SLC35F3: variants seen among roughly 807,000 people sequenced by gnomAD.
The protein encoded by SLC35F3 is putative thiamine transporter SLC35F3.
In SLC35F3, 25 loss-of-function variants were observed where a neutral mutation model predicts 49.9. The observed-to-expected ratio is 0.50, with a 90% confidence interval of 0.37 to 0.70. The LOEUF (loss-of-function observed/expected upper bound fraction) is 0.70. Among genes scored for constraint, SLC35F3 ranks in the 30% least tolerant of loss-of-function variants. SLC35F3 has a pLI of 0.00. For synonymous variants in SLC35F3, 275 were observed against 265.4 expected (o/e 1.04, Z -0.35); for missense variants, 525 against 639.8 (o/e 0.82, Z 1.94).
intron 2 of SLC35F3, among the ~76,000 whole-genome samples, chr1:233,964,157 G>A (rs773559778): frequency 1.3e-5 from 2 of 152,218 alleles, no homozygotes; most frequent in African/African-American, 2.4e-5. Flanking sequence ...TGAGCTCAGT[G>A]ACTTGCTTTG....
rs181827270 is a variant in SLC35F3, at chr1:233,941,998, G to C, written c.283+36240G>C. On this transcript the variant is annotated intron_variant, in intron 2 of 7. Transcript: ENST00000366618. ...TTTTTTTTAGATGGAGTCTCACTCT[G>C]TCTCCAGGCTGGAGTTCAGTGGCAC... is the stretch of plus-strand genomic sequence containing the variant. Among the ~76,000 whole-genome samples, 40 of 129,974 alleles carry C rather than the reference G, an allele frequency of 3.1e-4. No homozygotes were observed. In the East Asian group the frequency reaches 8.8e-3, roughly 29 times the overall value. The allele number at this position is 129,974 out of a possible 152,430, so 85.3% of individuals were successfully genotyped here. A position where few individuals can be genotyped will look rare whatever the true frequency, so the allele number is the denominator to read the frequency against.
At chr1:233,995,512 T>C (rs1429745816) in intron 2 of SLC35F3, among the ~76,000 whole-genome samples, 4 of 152,224 alleles carry the variant, frequency 2.6e-5, no homozygotes, top group Non-Finnish European at 4.4e-5. Flanking sequence ...CCTCCACTTG[T>C]GTTAAGACTG....
At chr1:234,048,541 A>G (rs968549071) in intron 2 of SLC35F3, among the ~76,000 whole-genome samples, 2 of 151,136 alleles carry the variant, frequency 1.3e-5, no homozygotes, top group African/African-American at 4.9e-5. Flanking sequence ...TATCAGGGCT[A>G]CCACTTCCAC....
intron 3 of SLC35F3, among the ~76,000 whole-genome samples, chr1:234,304,997 T>C (rs1007177955): frequency 1.3e-5 from 2 of 152,074 alleles, no homozygotes; most frequent in African/African-American, 4.8e-5. Flanking sequence ...TGGAGGAAAT[T>C]ACAAAAGAAA....
In SLC35F3 at chr1:234,210,043, T is replaced by C. The variant is rs140736347; in HGVS notation, c.284-21374T>C. Among the ~76,000 whole-genome samples, 271 of 152,244 alleles carry C rather than the reference T, an allele frequency of 1.8e-3. 1 individual carries two copies. Among genetic ancestry groups the C allele is most frequent in the Non-Finnish European group, 2.9e-3 (199 of 68,026 alleles). ...AGGGACCCACTGGGAGGTAATTGAA[T>C]CATGGGGGCAGGTCTTTCCCATGCT... On this transcript the variant is annotated intron_variant, in intron 2 of 7. Transcript: ENST00000366618.
intron 2 of SLC35F3, among the ~76,000 whole-genome samples, chr1:234,218,653 C>T (rs577769025): frequency 6.6e-6 from 1 of 152,284 alleles, no homozygotes; most frequent in Admixed American, 6.5e-5. Flanking sequence ...GGATCCCAGG[C>T]TTCAAATCTA....
At chr1:234,022,413 T>C (rs1965264) in intron 2 of SLC35F3, among the ~76,000 whole-genome samples, 1,887 of 152,286 alleles carry the variant, frequency 0.012, 45 homozygotes, top group Admixed American at 0.058. Context: ...ACGCTGCAGC[T>C]TGAGTCTGAA....
intron 2 of SLC35F3, among the ~76,000 whole-genome samples, chr1:234,140,448 T>C (rs889441536): frequency 6.6e-6 from 1 of 152,178 alleles, no homozygotes. Context: ...TAAACTTTAT[T>C]ATAGGTAAGT....
At chr1:234,199,241 C>T (rs558830418) in intron 2 of SLC35F3, among the ~76,000 whole-genome samples, 218 of 151,456 alleles carry the variant, frequency 1.4e-3, no homozygotes, top group African/African-American at 4.9e-3. Context: ...AAAAAGAAAA[C>T]GAAAAGAAAA....
intron 2 of SLC35F3, among the ~76,000 whole-genome samples, chr1:234,029,450 G>T (rs1366826571): frequency 6.6e-6 from 1 of 152,182 alleles, no homozygotes; most frequent in African/African-American, 2.4e-5. Flanking sequence ...GATGTGGCAG[G>T]TGGAGACATG....
In SLC35F3 at chr1:234,230,720, C is replaced by CT. The variant is rs574969869; in HGVS notation, c.284-694dup. Among the ~76,000 whole-genome samples, 321 of 152,308 alleles carry CT rather than the reference C, an allele frequency of 2.1e-3. 1 individual carries two copies. Among genetic ancestry groups the CT allele is most frequent in the Non-Finnish European group, 3.7e-3 (255 of 68,028 alleles). Reference sequence around the variant, plus strand: ...CGCTCTAGAATGGAGTGTCTGTGGCCTTTCACACACCAGCTGCCAGAGGTT... The same window carrying CT: ...CGCTCTAGAATGGAGTGTCTGTGGCCTTTTCACACACCAGCTGCCAGAGGTT... On this transcript the variant is annotated intron_variant, in intron 2 of 7. Coordinates refer to ENST00000366618, the MANE Select transcript of SLC35F3 (RefSeq NM_173508.4).
chr1:234,075,303 G>A (rs1257638219), intron 2 of SLC35F3, among the ~76,000 whole-genome samples: 1 of 152,196 alleles, frequency 6.6e-6, no homozygotes, highest in Non-Finnish European at 1.5e-5. Flanking sequence ...AACAGTAGTG[G>A]CGACCCCACA....
intron 2 of SLC35F3, among the ~76,000 whole-genome samples, chr1:234,223,725 C>T (rs529875966): frequency 6.6e-6 from 1 of 152,314 alleles, no homozygotes; most frequent in African/African-American, 2.4e-5. Context: ...CCTTCTCAAG[C>T]ACAGTACACT....
chr1:234,125,754 TC>T (rs1665636795), intron 2 of SLC35F3, among the ~76,000 whole-genome samples: 1 of 152,184 alleles, frequency 6.6e-6, no homozygotes, highest in South Asian at 2.1e-4. Flanking sequence ...TCTGCATTGT[TC>T]ACATATTATA....
intron 3 of SLC35F3, among the ~76,000 whole-genome samples, chr1:234,232,559 C>T (rs1242868250): frequency 9.3e-6 from 1 of 107,326 alleles, no homozygotes. Flanking sequence ...AAAAAAGAAA[C>T]AGAAATGAAT....
In SLC35F3 at chr1:234,153,567, A is replaced by T. The variant is rs201531389; in HGVS notation, c.284-77850A>T. ...TAGGGGTGTTATTCAGAGGCTGTTG[A>T]GTAACATAAAACAAATGAGCAATTA... On this transcript the variant is annotated intron_variant, in intron 2 of 7. Transcript: ENST00000366618. 3.5e-3 allele frequency among the ~76,000 whole-genome samples: 531 copies of T among 152,360 alleles called. 10 individuals are homozygous for T. In the East Asian group the frequency reaches 0.037, roughly 11 times the overall value.
At chr1:234,238,621 C>A (rs1001735778) in intron 3 of SLC35F3, among the ~76,000 whole-genome samples, 16 of 152,250 alleles carry the variant, frequency 1.1e-4, no homozygotes, top group African/African-American at 3.1e-4. Context: ...CATCTCCCCC[C>A]ACCCCACCAC....
chr1:234,013,698 A>G (rs375249395), intron 2 of SLC35F3, among the ~76,000 whole-genome samples: 1 of 152,130 alleles, frequency 6.6e-6, no homozygotes, highest in African/African-American at 2.4e-5. Flanking sequence ...AGAGATTACT[A>G]TGAATCATTA....
intron 7 of SLC35F3, 103 bp from the exon 8 acceptor site, chr1:234,322,904 AC>A: frequency 1.1e-6 from 1 of 950,468 alleles, no homozygotes; most frequent in Non-Finnish European, 1.6e-6. Context: ...AGGGAAGACC[AC>A]AACACTGCCA....
Sources: gnomAD v4.1 joint callset for allele counts (sites outside exome capture counted in the v4.1 genomes callset) on GRCh38, gnomAD v4.1.1 for gene constraint, MANE v1.5 for transcripts, NCBI Gene and HGNC (gene_info 2026-07-23, HGNC 2026-07-21) for gene names.